RBM6: variants seen among roughly 807,000 people sequenced by gnomAD.
RBM6 encodes the protein RNA-binding protein 6.
In RBM6, 23 loss-of-function variants were observed where a neutral mutation model predicts 140.4. The ratio of observed to expected loss-of-function variants is 0.16; its 90% CI spans 0.12 to 0.23. RBM6 has a LOEUF of 0.23. RBM6 is among the 10% of genes least tolerant of loss of function. The pLI, the probability that RBM6 is intolerant of heterozygous loss-of-function variation, is 1.00. For synonymous variants in RBM6, 439 were observed against 475.6 expected (o/e 0.92, Z 1.00); for missense variants, 1,139 against 1,386.7 (o/e 0.82, Z 2.84).
chr3:49,969,997 G>A (rs1452659719), intron 3 of RBM6, among the ~76,000 whole-genome samples: 1 of 151,868 alleles, frequency 6.6e-6, no homozygotes, highest in African/African-American at 2.4e-5. Flanking sequence ...CTGGAGTGCA[G>A]TGGCACGATC....
At chr3:50,048,211 T>C (rs2089306177) in intron 6 of RBM6, 34 bp from the exon 7 acceptor site, 2 of 1,607,788 alleles carry the variant, frequency 1.2e-6, no homozygotes, top group Non-Finnish European at 1.7e-6. Context: ...TCTCCAAGGG[T>C]TGATGTTGAT....
intron 7 of RBM6, among the ~76,000 whole-genome samples, chr3:50,052,257 G>T (rs2624823): frequency 0.49 from 74,290 of 151,944 alleles, 19,543 homozygotes; most frequent in East Asian, 0.86. Context: ...TAGAGATGAG[G>T]TTTCTCCATG....
At chr3:49,992,806 A>C (rs1245266778) in intron 5 of RBM6, among the ~76,000 whole-genome samples, 1 of 152,212 alleles carries the variant, frequency 6.6e-6, no homozygotes, top group Non-Finnish European at 1.5e-5. Context: ...ACCTCTCTGC[A>C]TAGACAGTTC....
chr3:49,980,686 C>T (rs928987155), intron 5 of RBM6, among the ~76,000 whole-genome samples: 3 of 147,206 alleles, frequency 2.0e-5, no homozygotes, highest in African/African-American at 5.0e-5. Context: ...CACTTGAACT[C>T]GGGAGGCGGA....
chr3:49,951,246 T>C (rs746263988), intron 1 of RBM6, among the ~76,000 whole-genome samples: 27 of 152,208 alleles, frequency 1.8e-4, no homozygotes, highest in Non-Finnish European at 3.2e-4. Context: ...GGGGTCTTGC[T>C]CTGTTGCCCA....
At chr3:50,019,953 C>G (rs951487751) in intron 6 of RBM6, among the ~76,000 whole-genome samples, 1 of 148,962 alleles carries the variant, frequency 6.7e-6, no homozygotes, top group Non-Finnish European at 1.5e-5. Flanking sequence ...GGGTCTCACT[C>G]TGTTGCCCAG....
intron 8 of RBM6, among the ~76,000 whole-genome samples, chr3:50,056,232 T>TC (rs1016210350): frequency 2.0e-5 from 3 of 152,116 alleles, no homozygotes; most frequent in Admixed American, 6.5e-5. Context: ...TGTGTTTTTT[T>TC]CCCCCCACAA....
intron 5 of RBM6, among the ~76,000 whole-genome samples, chr3:49,995,294 G>T (rs542932158): frequency 1.3e-5 from 2 of 152,058 alleles, no homozygotes; most frequent in Admixed American, 6.6e-5. Flanking sequence ...GGCCGGGTGC[G>T]GTGGCTCACG....
At chr3:49,990,774 G>C (rs559448089) in intron 5 of RBM6, among the ~76,000 whole-genome samples, 1 of 152,060 alleles carries the variant, frequency 6.6e-6, no homozygotes, top group East Asian at 1.9e-4. Flanking sequence ...GGCATTAAGT[G>C]GGGGGAAAAA....
intron 6 of RBM6, among the ~76,000 whole-genome samples, chr3:50,005,567 T>C (rs906470964): frequency 2.0e-5 from 3 of 151,522 alleles, no homozygotes; most frequent in Non-Finnish European, 2.9e-5. Flanking sequence ...GAGGCCATGA[T>C]GGAAAAAATT....
chr3:49,994,392 C>T (rs1160998066), intron 5 of RBM6, among the ~76,000 whole-genome samples: 1 of 152,136 alleles, frequency 6.6e-6, no homozygotes, highest in African/African-American at 2.4e-5. Flanking sequence ...AGCAAAGTAC[C>T]TGTTGGAAAT....
chr3:49,950,544 C>T (rs1311848701), intron 1 of RBM6, among the ~76,000 whole-genome samples: 56 of 152,180 alleles, frequency 3.7e-4, no homozygotes, highest in Admixed American at 3.7e-3. Context: ...CATTTGAGGT[C>T]AGGAGTTCAA....
At chr3:50,024,383 A>G (rs1189930950) in intron 6 of RBM6, among the ~76,000 whole-genome samples, 4 of 150,900 alleles carry the variant, frequency 2.7e-5, no homozygotes, top group Admixed American at 6.6e-5. Context: ...AAAACAGAAC[A>G]CTGCTTCATA....
intron 5 of RBM6, among the ~76,000 whole-genome samples, chr3:49,989,066 C>T (rs541647232): frequency 6.6e-6 from 1 of 152,108 alleles, no homozygotes; most frequent in South Asian, 2.1e-4. Context: ...TTAAAAGTCC[C>T]TGAATGATTG....
chr3:49,956,949 G>A (rs560106815), intron 1 of RBM6, among the ~76,000 whole-genome samples: 2 of 152,334 alleles, frequency 1.3e-5, no homozygotes, highest in African/African-American at 4.8e-5. Context: ...ACAGGCGTAA[G>A]CCACCAGGCC....
intron 5 of RBM6, among the ~76,000 whole-genome samples, chr3:49,994,573 C>G (rs900414230): frequency 3.3e-5 from 5 of 151,986 alleles, no homozygotes; most frequent in African/African-American, 1.2e-4. Flanking sequence ...GAAGTTAAGA[C>G]CTCTTCAATC....
At chr3:49,995,173 C>T (rs921775899) in intron 5 of RBM6, among the ~76,000 whole-genome samples, 6 of 152,246 alleles carry the variant, frequency 3.9e-5, no homozygotes, top group Admixed American at 1.3e-4. Context: ...GGGAAACAGG[C>T]AACCACATGG....
intron 5 of RBM6, among the ~76,000 whole-genome samples, chr3:49,993,074 G>A (rs1172434617): frequency 2.0e-5 from 3 of 152,114 alleles, no homozygotes; most frequent in Non-Finnish European, 2.9e-5. Context: ...ATCTATGACC[G>A]TTTGTACTTG....
In RBM6 at chr3:50,054,318, T is replaced by A. The variant is rs2089611866; in HGVS notation, c.1633-17T>A. 1 of 1,595,446 alleles carries A rather than the reference T, an allele frequency of 6.3e-7. No homozygotes were observed. Among genetic ancestry groups the A allele is most frequent in the Admixed American group, 1.7e-5 (1 of 59,586 alleles). ...TAAAAATGTTTTCAGTCAAATTGAT[T>A]TCCTTCTTCCTTACAGTGTAAGGCA... On this transcript the variant is annotated splice_polypyrimidine_tract_variant and intron_variant, in intron 7 of 20. Coordinates refer to ENST00000266022, the MANE Select transcript of RBM6 (RefSeq NM_005777.3).
Sources: allele counts gnomAD v4.1 joint callset (sites outside exome capture counted in the v4.1 genomes callset), GRCh38; gene constraint gnomAD v4.1.1; transcripts MANE v1.5; gene names NCBI Gene and HGNC (gene_info 2026-07-23, HGNC 2026-07-21).